Variants in SMIM14 observed in about 807,000 individuals in gnomAD.
The protein encoded by SMIM14 is small integral membrane protein 14.
In SMIM14, 5 loss-of-function variants were observed where a neutral mutation model predicts 12.6. The ratio of observed to expected loss-of-function variants is 0.40; its 90% CI spans 0.21 to 0.83. The LOEUF is 0.83. Ranked by LOEUF, SMIM14 falls within the 40% of genes least tolerant of loss-of-function variation. The probability of loss-of-function intolerance (pLI) is 0.37; values close to 1 mark genes in which losing one functional copy is unlikely to be tolerated. For synonymous variants in SMIM14, 30 were observed against 40.1 expected (o/e 0.75, Z 0.95); for missense variants, 86 against 119.1 (o/e 0.72, Z 1.29).
chr4:39,622,680 A>G (rs1321869062), intron 1 of SMIM14, among the ~76,000 whole-genome samples: 1 of 152,248 alleles, frequency 6.6e-6, no homozygotes, highest in East Asian at 1.9e-4. Context: ...GATTACAGGC[A>G]TGAGTCACCA....
rs979234843 is a variant in SMIM14 at position 39,558,678 on chromosome 4, A to G, written c.125-2108T>C. Among the ~76,000 whole-genome samples, 3 of 152,092 alleles carry G rather than the reference A, an allele frequency of 2.0e-5. No individual in the cohort carries two copies. Among genetic ancestry groups the G allele is most frequent in the Non-Finnish European group, 4.4e-5 (3 of 68,014 alleles). ...GACAGCTTTTCGAAAAAGAAAAATTACTCAATCAGTTACAAGGAGGAGAGC... is the reference window on the plus strand; with the variant it reads ...GACAGCTTTTCGAAAAAGAAAAATTGCTCAATCAGTTACAAGGAGGAGAGC... On this transcript the variant is annotated intron_variant, in intron 3 of 4. Coordinates refer to ENST00000295958, the MANE Select transcript of SMIM14 (RefSeq NM_174921.3). This position sits in a 1 kb window ranked among gnomAD's most constrained non-coding sequence, Gnocchi z 4.3.
At chr4:39,552,819 G>C (rs1416971831) in intron 4 of SMIM14, among the ~76,000 whole-genome samples, 1 of 152,128 alleles carries the variant, frequency 6.6e-6, no homozygotes, top group African/African-American at 2.4e-5. Flanking sequence ...ACTTGCAATA[G>C]AAAGCAAGTG....
chr4:39,614,811 T>C (rs999175866), intron 1 of SMIM14, among the ~76,000 whole-genome samples: 1 of 152,146 alleles, frequency 6.6e-6, no homozygotes, highest in Non-Finnish European at 1.5e-5. Context: ...AAACAATTCT[T>C]AGCACAGAAA....
intron 1 of SMIM14, among the ~76,000 whole-genome samples, chr4:39,623,813 G>C (rs558641212): frequency 3.9e-5 from 6 of 152,264 alleles, no homozygotes; most frequent in African/African-American, 1.4e-4. Flanking sequence ...AGTGAGCAGA[G>C]ATTGCACCAC....
At chr4:39,586,766 T>C (rs1459201891) in intron 2 of SMIM14, among the ~76,000 whole-genome samples, 1 of 152,118 alleles carries the variant, frequency 6.6e-6, no homozygotes, top group East Asian at 1.9e-4. Context: ...AGTAACACTT[T>C]TTGTCTTAGT....
At chr4:39,595,921 T>C (rs1339820818) in intron 2 of SMIM14, among the ~76,000 whole-genome samples, 1 of 151,864 alleles carries the variant, frequency 6.6e-6, no homozygotes, top group Non-Finnish European at 1.5e-5. Context: ...GGCCTGTAAT[T>C]ACTAATTTTT....
intron 2 of SMIM14, among the ~76,000 whole-genome samples, chr4:39,586,907 T>G (rs1269837104): frequency 6.6e-6 from 1 of 152,028 alleles, no homozygotes; most frequent in Non-Finnish European, 1.5e-5. Context: ...GTCCTCTTAC[T>G]GGCTTGTAGA....
At position 39,630,426 on chromosome 4, in the gene SMIM14, C is replaced by A. The variant is rs986601088; in HGVS notation, c.-36+8313G>T. 2.0e-5 allele frequency among the ~76,000 whole-genome samples: 3 copies of A among 152,074 alleles called. No homozygotes were observed. The East Asian group carries it at 5.8e-4, about 29-fold the overall frequency. ...CTAATTAAAATAAAAATGAAAGAAG[C>A]GGACTATGGCTACTGCTCTCCAAAC... On this transcript the variant is annotated intron_variant, in intron 1 of 4. Coordinates refer to ENST00000295958, the MANE Select transcript of SMIM14 (RefSeq NM_174921.3).
At chr4:39,600,837 CTCCAGTCTG>C (rs1438008298) in intron 2 of SMIM14, among the ~76,000 whole-genome samples, 1 of 152,092 alleles carries the variant, frequency 6.6e-6, no homozygotes, top group Non-Finnish European at 1.5e-5. Flanking sequence ...CGCCATTGCA[CTCCAGTCTG>C]GGTGACAGAG....
At chr4:39,616,571 C>T (rs939681230) in intron 1 of SMIM14, among the ~76,000 whole-genome samples, 4 of 150,228 alleles carry the variant, frequency 2.7e-5, no homozygotes, top group South Asian at 2.1e-4. Flanking sequence ...CACATCAAAA[C>T]GTAACAGAAT....
intron 1 of SMIM14, among the ~76,000 whole-genome samples, chr4:39,623,472 T>C (rs1490045007): frequency 6.6e-6 from 1 of 152,212 alleles, no homozygotes; most frequent in East Asian, 1.9e-4. Context: ...ATTCTTTTAT[T>C]GTGATTTTAA....
chr4:39,597,058 G>A (rs899244713), intron 2 of SMIM14, among the ~76,000 whole-genome samples: 1 of 150,314 alleles, frequency 6.7e-6, no homozygotes, highest in Admixed American at 6.6e-5. Flanking sequence ...TTACAGGGAT[G>A]AGCCACGGTG....
intron 2 of SMIM14, among the ~76,000 whole-genome samples, chr4:39,581,714 C>T (rs761204979): frequency 5.3e-4 from 80 of 150,660 alleles, no homozygotes; most frequent in Non-Finnish European, 7.2e-4. Flanking sequence ...AGGCGCACAA[C>T]CACCACACCT....
chr4:39,635,495 T>G (rs1449748688), intron 1 of SMIM14, among the ~76,000 whole-genome samples: 1 of 152,122 alleles, frequency 6.6e-6, no homozygotes, highest in Non-Finnish European at 1.5e-5. Context: ...GACCAGGAGT[T>G]GCTGCAACAG....
At chr4:39,598,508 A>C (rs1484245858) in intron 2 of SMIM14, among the ~76,000 whole-genome samples, 1 of 152,156 alleles carries the variant, frequency 6.6e-6, no homozygotes, top group Non-Finnish European at 1.5e-5. Flanking sequence ...GTACCAGTAT[A>C]GAGTATGAAG....
At chr4:39,560,114 A>G (rs532219212) in intron 3 of SMIM14, among the ~76,000 whole-genome samples, 39 of 152,086 alleles carry the variant, frequency 2.6e-4, no homozygotes, top group African/African-American at 9.4e-4. Context: ...AGAGCCAGAC[A>G]CTGTCTCAAA....
chr4:39,559,825 C>T (rs1578311124), intron 3 of SMIM14, among the ~76,000 whole-genome samples: 1 of 152,166 alleles, frequency 6.6e-6, no homozygotes, highest in African/African-American at 2.4e-5. Flanking sequence ...TCCCTAGAAA[C>T]AGCTAAACAG....
chr4:39,633,154 C>T (rs1325319388), intron 1 of SMIM14, among the ~76,000 whole-genome samples: 1 of 151,668 alleles, frequency 6.6e-6, no homozygotes, highest in African/African-American at 2.4e-5. Flanking sequence ...ATTAGCTGGG[C>T]ATGGTGGCGC....
At chr4:39,617,994 A>G (rs980986477) in intron 1 of SMIM14, among the ~76,000 whole-genome samples, 3 of 152,204 alleles carry the variant, frequency 2.0e-5, no homozygotes, top group African/African-American at 7.2e-5. Context: ...CAAAGACATC[A>G]TCTGGATGCT....
Sources: allele counts gnomAD v4.1 joint callset (sites outside exome capture counted in the v4.1 genomes callset), GRCh38; gene constraint gnomAD v4.1.1; non-coding constraint Gnocchi (gnomAD v3.1); transcripts MANE v1.5; gene names NCBI Gene and HGNC (gene_info 2026-07-23, HGNC 2026-07-21).